Variants in ZKSCAN3 observed in about 807,000 individuals in gnomAD.
The protein encoded by ZKSCAN3 is zinc finger with KRAB and SCAN domains 3.
ZKSCAN3 carries 21 observed loss-of-function variants against 30.7 expected under a neutral mutation model. The ratio of observed to expected loss-of-function variants is 0.68; its 90% confidence interval spans 0.49 to 0.99. The LOEUF is 0.99. ZKSCAN3 is among the 50% of genes least tolerant of loss of function. The pLI is 0.00. For synonymous variants in ZKSCAN3, 201 were observed against 246.7 expected, an observed-to-expected ratio of 0.81 and a Z score of 1.73; for missense variants, 507 against 647.1, an observed-to-expected ratio of 0.78 and a Z score of 2.35.
chr6:28,363,594 G>A, intron 4 of ZKSCAN3, 98 bp from the exon 5 acceptor site: 1 of 1,570,334 alleles, frequency 6.4e-7, no homozygotes, highest in Middle Eastern at 1.7e-4. Context: ...TTTATTACTA[G>A]CTGTTGGCAG....
At chr6:28,352,397 T>G (rs978228209) in intron 1 of ZKSCAN3, among the ~76,000 whole-genome samples, 2 of 152,182 alleles carry the variant, frequency 1.3e-5, no homozygotes, top group Admixed American at 1.3e-4. Context: ...GGATTACAGG[T>G]GTGTACCACC....
chr6:28,353,150 G>C (rs895204196), intron 1 of ZKSCAN3, among the ~76,000 whole-genome samples: 2 of 151,890 alleles, frequency 1.3e-5, no homozygotes, highest in African/African-American at 4.8e-5. Flanking sequence ...TGTATTTTTA[G>C]TAGAGACGGG....
At chr6:28,360,414 G>C (rs1765701488) in intron 2 of ZKSCAN3, 1 of 276,272 alleles carries the variant, frequency 3.6e-6, no homozygotes, top group South Asian at 1.4e-4. Context: ...ATGCTACATT[G>C]ATTTGTTGCT....
At chr6:28,364,352 C>T (rs1268347651) in intron 5 of ZKSCAN3, among the ~76,000 whole-genome samples, 4 of 152,114 alleles carry the variant, frequency 2.6e-5, no homozygotes, top group African/African-American at 9.7e-5. Context: ...GGGTTGAAGT[C>T]GATACAACCC....
rs952877260 is a variant in ZKSCAN3 at position 28,351,128 on chromosome 6, C to A, written c.-63+1061C>A. On this transcript the variant is annotated intron_variant, in intron 1 of 5. Transcript: ENST00000252211. The surrounding 1 kb of genome is among the most constrained non-coding windows in gnomAD (Gnocchi z 4.6). ...TCTTTTCTGTTAATGAGAAACTTTC[C>A]TTTCCTTATCTTCAGTATATTTACT... Among the ~76,000 whole-genome samples the A allele has an allele frequency of 1.3e-5, 2 of 152,148 alleles. No homozygotes were observed. The highest frequency in any genetic ancestry group is 1.3e-4 in the Admixed American group (2 of 15,272).
intron 2 of ZKSCAN3, chr6:28,360,214 TAC>T (rs2113919499): frequency 4.0e-6 from 3 of 748,348 alleles, no homozygotes; most frequent in Non-Finnish European, 6.3e-6. Flanking sequence ...CATATCAACA[TAC>T]AGTTTGCAAA....
chr6:28,353,219 A>C (rs1374091422), intron 1 of ZKSCAN3: 1 of 152,696 alleles, frequency 6.5e-6, no homozygotes, highest in African/African-American at 2.4e-5. Flanking sequence ...TGCCCACCTC[A>C]GCCTCCCAAA....
chr6:28,364,206 G>C (rs150511238), intron 5 of ZKSCAN3, among the ~76,000 whole-genome samples: 1 of 152,062 alleles, frequency 6.6e-6, no homozygotes, highest in Admixed American at 6.5e-5. Context: ...GGACTCCAGG[G>C]CTCAAGCAAT....
chr6:28,356,752 GC>G (rs934714551), intron 1 of ZKSCAN3, among the ~76,000 whole-genome samples: 1 of 152,232 alleles, frequency 6.6e-6, no homozygotes, highest in African/African-American at 2.4e-5. Flanking sequence ...ATTTCCAGGT[GC>G]TTCAGCACCT....
Position 28,366,397 on chromosome 6 carries a change from T to G in ZKSCAN3, c.*112T>G. 8.4e-7 allele frequency: 1 copy of G among 1,185,942 alleles called. No homozygotes were observed. Among genetic ancestry groups the G allele is most frequent in the Non-Finnish European group, 1.1e-6 (1 of 879,746 alleles). The allele number at this position is 1,185,942 out of a possible 1,614,324, so 73.5% of individuals were successfully genotyped here. ...CTGGGCTTTATTTACCACTACACAT[T>G]ATCAGGTGTTAGAAAATGTAGACTG... On this transcript the variant is annotated 3_prime_UTR_variant, in exon 6 of 6. Transcript: ENST00000252211.
In ZKSCAN3 at chr6:28,368,155, T is replaced by G. The variant is rs1020019662; in HGVS notation, c.*1870T>G. ...TTTGATTTTTTGTTCTTGGCGATAG[T>G]TTGCTGAGAATGATGAGACGAGGTT... On this transcript the variant is annotated 3_prime_UTR_variant, in exon 6 of 6. Coordinates refer to ENST00000252211, the MANE Select transcript of ZKSCAN3 (RefSeq NM_024493.4). The G allele has an allele frequency of 9.2e-5, 14 of 151,918 alleles. No individual in the cohort carries two copies. The highest frequency in any genetic ancestry group is 3.4e-4 in the African/African-American group (14 of 41,330). 9.4% of individuals were successfully genotyped at this position (151,918 alleles called of 1,614,324 possible).
At chr6:28,364,758 C>T (rs1232038759) in intron 5 of ZKSCAN3, among the ~76,000 whole-genome samples, 2 of 152,126 alleles carry the variant, frequency 1.3e-5, no homozygotes, top group Non-Finnish European at 2.9e-5. Context: ...GATGGAGTCT[C>T]ACTCTGTCGC....
intron 5 of ZKSCAN3, among the ~76,000 whole-genome samples, chr6:28,364,074 A>T (rs937555101): frequency 2.0e-5 from 3 of 152,064 alleles, no homozygotes; most frequent in Non-Finnish European, 2.9e-5. Flanking sequence ...GGCTAAAGTG[A>T]TCCTCTCACC....
At chr6:28,360,274 ATAAT>A (rs1283150917) in intron 2 of ZKSCAN3, among the ~76,000 whole-genome samples, 1 of 152,216 alleles carries the variant, frequency 6.6e-6, no homozygotes, top group Non-Finnish European at 1.5e-5. Flanking sequence ...AGTACACTAA[ATAAT>A]AAAACCTACG....
intron 1 of ZKSCAN3, among the ~76,000 whole-genome samples, chr6:28,352,819 A>T (rs1177449995): frequency 1.3e-5 from 2 of 152,144 alleles, no homozygotes; most frequent in African/African-American, 4.8e-5. Context: ...GGCTTCTCTC[A>T]GTTTCCTAAT....
rs1398609325 is a variant in ZKSCAN3, at chr6:28,351,982, G to T, written c.-63+1915G>T. Among the ~76,000 whole-genome samples, 2 of 145,674 alleles carry T rather than the reference G, an allele frequency of 1.4e-5. No homozygotes were observed. Among genetic ancestry groups the T allele is most frequent in the Non-Finnish European group, 1.5e-5 (1 of 65,804 alleles). Reference sequence around the variant, plus strand: ...AATAATTGTCTCAAATATTTCTAGAGTTTTTTTTTTTTACAGTCTTTTTAC... The same window carrying T: ...AATAATTGTCTCAAATATTTCTAGATTTTTTTTTTTTTACAGTCTTTTTAC... On this transcript the variant is annotated intron_variant, in intron 1 of 5. Transcript: ENST00000252211. The surrounding 1 kb of genome is among the most constrained non-coding windows in gnomAD (Gnocchi z 4.6).
chr6:28,365,831 A>G lies in ZKSCAN3; in HGVS notation c.1163A>G (p.His388Arg). 6.2e-7 allele frequency: 1 copy of G among 1,614,238 alleles called. No homozygotes were observed. The highest frequency in any genetic ancestry group is 1.1e-5 in the South Asian group (1 of 91,088). Residue 388 changes from histidine to arginine, a missense_variant, in exon 6 of 6, where the codon CAT (histidine) becomes CGT (arginine). Coordinates refer to ENST00000252211, the MANE Select transcript of ZKSCAN3 (RefSeq NM_024493.4). The stretch of plus-strand genomic sequence containing the variant: ...AGTCATAGCTCAGACCTTATCAAGC[A>G]TCAGAGAACCCACACTGGGGAGAAG... ...AFSHSSDLIK[H>R]QRTHTGEKPY...
chr6:28,353,435 C>G (rs1366634256), intron 1 of ZKSCAN3: 1 of 161,132 alleles, frequency 6.2e-6, no homozygotes, highest in African/African-American at 2.4e-5. Flanking sequence ...GCCCAGGTCT[C>G]ATGGCTTCTG....
rs889025533 is a variant in ZKSCAN3 at position 28,368,794 on chromosome 6, C to T, written c.*2509C>T. 1.9e-5 allele frequency: 3 copies of T among 154,940 alleles called. No individual in the cohort carries two copies. Among genetic ancestry groups the T allele is most frequent in the Non-Finnish European group, 4.4e-5 (3 of 68,192 alleles). 9.6% of individuals were successfully genotyped at this position (154,940 alleles called of 1,614,324 possible). A position where few individuals can be genotyped will look rare whatever the true frequency, so the allele number is the denominator to read the frequency against. ...AAGACAGTTCCTTTTTTGTTAGTATCACTTCTACTTATTGTAGAAATATGC... is the reference window on the plus strand; with the variant it reads ...AAGACAGTTCCTTTTTTGTTAGTATTACTTCTACTTATTGTAGAAATATGC... On this transcript the variant is annotated 3_prime_UTR_variant, in exon 6 of 6. Coordinates refer to ENST00000252211, the MANE Select transcript of ZKSCAN3 (RefSeq NM_024493.4).
Sources: allele counts gnomAD v4.1 joint callset (sites outside exome capture counted in the v4.1 genomes callset), GRCh38; gene constraint gnomAD v4.1.1; non-coding constraint Gnocchi (gnomAD v3.1); transcripts MANE v1.5; gene names NCBI Gene and HGNC (gene_info 2026-07-23, HGNC 2026-07-21).